The following SPOCK1 variants were observed in gnomAD, a reference collection of about 807,000 sequenced individuals.
The protein encoded by SPOCK1 is SPARC (osteonectin), cwcv and kazal like domains proteoglycan 1, also known as testican-1.
A neutral mutation model predicts 55.3 loss-of-function variants in SPOCK1; 23 were observed. The observed-to-expected ratio is 0.42, with a 90% CI of 0.30 to 0.59. The LOEUF is 0.59. Ranked by LOEUF, SPOCK1 falls within the 20% of genes least tolerant of loss-of-function variation. SPOCK1 has a pLI of 0.22. For missense variants in SPOCK1, 499 were observed against 552.5 expected, an observed-to-expected ratio of 0.90 and a Z score of 0.97; for synonymous variants, 226 against 221.0, an observed-to-expected ratio of 1.02 and a Z score of -0.20.
intron 2 of SPOCK1, among the ~76,000 whole-genome samples, chr5:137,282,789 C>T (rs1041262980): frequency 1.1e-4 from 17 of 152,162 alleles, no homozygotes; most frequent in African/African-American, 4.1e-4. Context: ...CTCAGCAGTG[C>T]CCAGTGCCAG....
chr5:137,218,686 C>T (rs1448602795), intron 3 of SPOCK1, among the ~76,000 whole-genome samples: 2 of 152,136 alleles, frequency 1.3e-5, no homozygotes, highest in Non-Finnish European at 2.9e-5. Context: ...GGTCTCATTC[C>T]TGAGACACAG....
intron 2 of SPOCK1, among the ~76,000 whole-genome samples, chr5:137,282,665 T>C (rs1026642932): frequency 2.0e-5 from 3 of 152,246 alleles, no homozygotes; most frequent in Non-Finnish European, 4.4e-5. Context: ...TTCCAAATGA[T>C]GCTGGGACTC....
At chr5:137,192,483 C>T (rs565567100) in intron 3 of SPOCK1, among the ~76,000 whole-genome samples, 1 of 152,232 alleles carries the variant, frequency 6.6e-6, no homozygotes, top group African/African-American at 2.4e-5. Flanking sequence ...AGTTAGCTTA[C>T]ATTAGAAGGA....
chr5:137,189,114 C>T (rs751395307), intron 3 of SPOCK1, among the ~76,000 whole-genome samples: 6 of 152,200 alleles, frequency 3.9e-5, no homozygotes, highest in Non-Finnish European at 7.3e-5. Flanking sequence ...GAAGCCATCT[C>T]CATAACACAA....
chr5:137,293,110 TTTTTTTTTTTTG>T (rs1232482599), intron 2 of SPOCK1, among the ~76,000 whole-genome samples: 6 of 125,468 alleles, frequency 4.8e-5, no homozygotes, highest in South Asian at 2.7e-4. Context: ...TTTTTTTTTT[TTTTTTTTTTTTG>T]ATGCACATTG....
At chr5:137,217,026 T>A (rs9327775) in intron 3 of SPOCK1, among the ~76,000 whole-genome samples, 2 of 151,752 alleles carry the variant, frequency 1.3e-5, no homozygotes, top group Non-Finnish European at 2.9e-5. Flanking sequence ...AGGCCTAGGT[T>A]GGGAGAAGGG....
At chr5:137,147,698 T>C (rs1754223918) in intron 3 of SPOCK1, among the ~76,000 whole-genome samples, 1 of 152,148 alleles carries the variant, frequency 6.6e-6, no homozygotes, top group African/African-American at 2.4e-5. Context: ...AGGCCCCCTC[T>C]CCAAATACAG....
At chr5:137,207,681 T>C (rs1051381709) in intron 3 of SPOCK1, among the ~76,000 whole-genome samples, 1 of 152,022 alleles carries the variant, frequency 6.6e-6, no homozygotes, top group Non-Finnish European at 1.5e-5. Flanking sequence ...GGAACCAATA[T>C]TTACCGAGCA....
rs570322584 is a variant in SPOCK1 at position 136,988,629 on chromosome 5, T to C, written c.721A>G (p.Ile241Val). The change falls in exon 8 of 11, where the codon ATC becomes GTC. Residue 241 changes from isoleucine (I) to valine (V), a missense_variant. Coordinates refer to ENST00000394945, the MANE Select transcript of SPOCK1 (RefSeq NM_004598.4). ...NTAQGRFDTSILPICKDSLGW... is the reference protein window; with the variant it reads ...NTAQGRFDTSVLPICKDSLGW... ...AGGGAGTCCTTGCAGATGGGCAGGA[T>C]GCTAGTGTCAAACCCTGCCAAACAA... 5 of 1,612,952 alleles carry C rather than the reference T, an allele frequency of 3.1e-6. No individual in the cohort carries two copies. The South Asian group carries it at 4.4e-5, about 14-fold the overall frequency.
At chr5:137,451,299 C>T (rs780607947) in intron 2 of SPOCK1, among the ~76,000 whole-genome samples, 12 of 152,268 alleles carry the variant, frequency 7.9e-5, no homozygotes, top group African/African-American at 9.6e-5. Flanking sequence ...TCCTGCACAA[C>T]GCAGAATGTT....
At chr5:137,208,972 T>G (rs1400651949) in intron 3 of SPOCK1, among the ~76,000 whole-genome samples, 1 of 152,048 alleles carries the variant, frequency 6.6e-6, no homozygotes, top group Non-Finnish European at 1.5e-5. Flanking sequence ...AAACCCAGTT[T>G]CATTCCTTCT....
chr5:137,305,881 A>G (rs557874227), intron 2 of SPOCK1, among the ~76,000 whole-genome samples: 7 of 152,218 alleles, frequency 4.6e-5, no homozygotes, highest in Non-Finnish European at 5.9e-5. Context: ...TCACATGGAT[A>G]TATGTTTGCA....
At chr5:137,181,649 T>A (rs1187590691) in intron 3 of SPOCK1, among the ~76,000 whole-genome samples, 1 of 152,152 alleles carries the variant, frequency 6.6e-6, no homozygotes, top group Non-Finnish European at 1.5e-5. Flanking sequence ...TAAACAGAGC[T>A]GGAAACAGGG....
chr5:137,242,656 T>C (rs1756307682), intron 3 of SPOCK1, among the ~76,000 whole-genome samples: 2 of 152,168 alleles, frequency 1.3e-5, no homozygotes, highest in African/African-American at 4.8e-5. Flanking sequence ...GAGAATCACC[T>C]GAGCCCAGGA....
chr5:137,020,360 A>G (rs1327936920), intron 6 of SPOCK1, among the ~76,000 whole-genome samples: 1 of 151,970 alleles, frequency 6.6e-6, no homozygotes, highest in East Asian at 1.9e-4. Flanking sequence ...CTTAATTATC[A>G]AAATTCAAAA....
intron 6 of SPOCK1, among the ~76,000 whole-genome samples, chr5:137,022,328 G>T (rs1751593314): frequency 6.6e-6 from 1 of 152,120 alleles, no homozygotes; most frequent in African/African-American, 2.4e-5. Context: ...GCCAAACATG[G>T]AAGAATGCTT....
intron 3 of SPOCK1, among the ~76,000 whole-genome samples, chr5:137,180,349 G>T (rs1417108498): frequency 6.6e-6 from 1 of 151,750 alleles, no homozygotes; most frequent in African/African-American, 2.4e-5. Flanking sequence ...TTTAGATAAG[G>T]GGGTCATGAC....
At chr5:137,103,176 A>T (rs1266562399) in intron 5 of SPOCK1, among the ~76,000 whole-genome samples, 1 of 152,118 alleles carries the variant, frequency 6.6e-6, no homozygotes, top group African/African-American at 2.4e-5. Flanking sequence ...TTTTTAGTAG[A>T]GACAGAGTTG....
rs538068791 is a variant in SPOCK1 at position 137,179,365 on chromosome 5, T to A, written c.233-38671A>T. 4.0e-4 allele frequency among the ~76,000 whole-genome samples: 61 copies of A among 152,300 alleles called. 2 individuals carry two copies. The East Asian group carries it at 9.8e-3, about 25-fold the overall frequency. On this transcript the variant is annotated intron_variant, in intron 3 of 10. Transcript: ENST00000394945. ...AAAAGGCACAGCCATTTGCTCTCCC[T>A]TAATAGGACATAATGCTACCAATTA...
Sources: allele counts gnomAD v4.1 joint callset (sites outside exome capture counted in the v4.1 genomes callset), GRCh38; gene constraint gnomAD v4.1.1; transcripts MANE v1.5; gene names NCBI Gene and HGNC (gene_info 2026-07-23, HGNC 2026-07-21).